Variants in IGF2R observed in about 807,000 individuals in gnomAD.
IGF2R encodes the protein insulin like growth factor 2 receptor, also known as cation-independent mannose-6-phosphate receptor.
Under a neutral mutation model 270.6 loss-of-function variants are expected in IGF2R, and 91 were observed. That is an observed-to-expected ratio of 0.34 (90% CI 0.28 to 0.40). The LOEUF (loss-of-function observed/expected upper bound fraction) is 0.40. Among genes scored for constraint, IGF2R ranks in the 10% least tolerant of loss-of-function variants. IGF2R has a pLI of 1.00. For synonymous variants in IGF2R, 1,316 were observed against 1,258.9 expected, an observed-to-expected ratio of 1.05 and a Z score of -0.96; for missense variants, 2,805 against 3,188.3, an observed-to-expected ratio of 0.88 and a Z score of 2.90.
chr6:160,018,837 A>G (rs1439161900), intron 4 of IGF2R, among the ~76,000 whole-genome samples: 1 of 152,192 alleles, frequency 6.6e-6, no homozygotes, highest in East Asian at 1.9e-4. Flanking sequence ...TGGGAAGTTT[A>G]TAGTGTTAAA....
At chr6:160,087,100 TCA>T (rs1779112391) in intron 41 of IGF2R, among the ~76,000 whole-genome samples, 6 of 152,172 alleles carry the variant, frequency 3.9e-5, no homozygotes, top group Admixed American at 1.3e-4. Flanking sequence ...CACTTTTCTC[TCA>T]GACCCTGCGG....
chr6:160,104,904 C>T lies in IGF2R; in HGVS notation c.7296C>T (p.Ser2432=). 1 of 1,614,150 alleles carries T rather than the reference C, an allele frequency of 6.2e-7. No homozygotes were observed. Among genetic ancestry groups the T allele is most frequent in the Non-Finnish European group, 8.5e-7 (1 of 1,180,018 alleles). The part of the protein sequence containing the change: ...HSGRGAGAES[S]HPVRNAQSNA... ...GCAGGGGAGCTGGGGCAGAGAGCTC[C>T]CACCCAGTGAGAAACGCACAGAGCA... The change falls in exon 48 of 48, where the codon TCC becomes TCT. Residue 2432 remains serine, a synonymous_variant. Transcript: ENST00000356956.
intron 25 of IGF2R, 76 bp downstream of exon 25, chr6:160,062,004 T>C: frequency 2.9e-6 from 4 of 1,401,410 alleles, no homozygotes; most frequent in Non-Finnish European, 4.0e-6. Context: ...CTCTGAATCT[T>C]CTATCTTGTT....
chr6:160,088,786 A>G (rs151328257), intron 42 of IGF2R, among the ~76,000 whole-genome samples: 91 of 152,346 alleles, frequency 6.0e-4, no homozygotes, highest in African/African-American at 2.1e-3. Context: ...AAATTTTAAA[A>G]AATTTATATT....
At chr6:160,077,373 A>G (rs1778876336) in intron 36 of IGF2R, among the ~76,000 whole-genome samples, 1 of 152,222 alleles carries the variant, frequency 6.6e-6, no homozygotes, top group Non-Finnish European at 1.5e-5. Flanking sequence ...GACAGTCTTC[A>G]CTTCTAAGAC....
intron 45 of IGF2R, among the ~76,000 whole-genome samples, chr6:160,098,636 T>C (rs1779417841): frequency 6.6e-6 from 1 of 152,148 alleles, no homozygotes; most frequent in Non-Finnish European, 1.5e-5. Context: ...CTGGGCAACA[T>C]GGTGAAACCC....
At chr6:160,072,519 G>T (rs1778764594) in intron 32 of IGF2R, among the ~76,000 whole-genome samples, 1 of 152,322 alleles carries the variant, frequency 6.6e-6, no homozygotes, top group East Asian at 1.9e-4. Flanking sequence ...GGCTGCTGTG[G>T]TATGGCCCAG....
intron 2 of IGF2R, among the ~76,000 whole-genome samples, chr6:159,996,133 A>G (rs1784050054): frequency 6.6e-6 from 1 of 152,082 alleles, no homozygotes; most frequent in Non-Finnish European, 1.5e-5. Context: ...GCTTTCTCAA[A>G]TGCTAGTGAT....
intron 6 of IGF2R, among the ~76,000 whole-genome samples, chr6:160,028,104 G>A (rs1777605201): frequency 6.6e-6 from 1 of 152,220 alleles, no homozygotes; most frequent in South Asian, 2.1e-4. Flanking sequence ...GATAGGCTGG[G>A]TAGCTTAAAC....
intron 34 of IGF2R, 26 bp downstream of exon 34, chr6:160,073,495 A>AAGTGCATGTCC: frequency 6.2e-7 from 1 of 1,612,256 alleles, no homozygotes; most frequent in Non-Finnish European, 8.5e-7. Context: ...GGCACGGGAG[A>AAGTGCATGTCC]AGTGCATGTC....
intron 11 of IGF2R, among the ~76,000 whole-genome samples, chr6:160,041,258 G>GA (rs1198159600): frequency 6.6e-6 from 1 of 152,018 alleles, no homozygotes. Context: ...CTGATGGGGG[G>GA]GATTTCTGGT....
rs1042747660 is a variant in IGF2R, at chr6:160,050,133, C to G, written c.2515-340C>G. Among the ~76,000 whole-genome samples, 1 of 152,170 alleles carries G rather than the reference C, an allele frequency of 6.6e-6. No individual in the cohort carries two copies. The highest frequency in any genetic ancestry group is 1.5e-5 in the Non-Finnish European group (1 of 68,034). ...TTCAGGATCTGAAGAACATCTTACA[C>G]GATTATTGAACGAAAGCCTTATGAT... On this transcript the variant is annotated intron_variant, in intron 18 of 47. Coordinates refer to ENST00000356956, the MANE Select transcript of IGF2R (RefSeq NM_000876.4). The surrounding 1 kb of genome is among the most constrained non-coding windows in gnomAD (Gnocchi z 4.0).
rs867719641 is a variant in IGF2R at position 160,032,600 on chromosome 6, A to G, written c.932A>G (p.Glu311Gly). 1.9e-6 allele frequency: 3 copies of G among 1,614,174 alleles called. No individual in the cohort carries two copies. In the Admixed American group the frequency reaches 5.0e-5, roughly 27 times the overall value. The change falls in exon 8 of 48, where the codon GAG becomes GGG. Residue 311 changes from glutamate to glycine, a missense_variant. Glu to Gly is a moderately conservative substitution (Grantham distance 98). Transcript: ENST00000356956. The stretch of plus-strand genomic sequence containing the variant: ...AAATCCAACTGCCGCTATGAAATTG[A>G]GTGGATTACTGAGTATGCCTGCCAC... Reference protein sequence around the residue: ...TAKSNCRYEIEWITEYACHRD... With the variant: ...TAKSNCRYEIGWITEYACHRD...
chr6:160,041,252 T>TG (rs141884199), intron 11 of IGF2R, among the ~76,000 whole-genome samples: 30,072 of 151,812 alleles, frequency 0.2, 3,516 homozygotes, highest in East Asian at 0.52. Flanking sequence ...GATAATCTGA[T>TG]GGGGGGGATT....
At chr6:160,040,428 T>C (rs538200111) in intron 10 of IGF2R, 132 bp from the exon 11 acceptor site, 20 of 694,816 alleles carry the variant, frequency 2.9e-5, no homozygotes, top group Admixed American at 5.4e-5. Flanking sequence ...CCATGGTCTC[T>C]AAAAAAACCT....
chr6:160,010,544 C>T (rs967109803), intron 3 of IGF2R, 143 bp from the exon 4 acceptor site: 102 of 568,710 alleles, frequency 1.8e-4, no homozygotes, highest in Non-Finnish European at 2.3e-4. Context: ...TTGATGACCC[C>T]GTTTAACTAA....
At chr6:160,059,526 G>A (rs914788807) in intron 22 of IGF2R, among the ~76,000 whole-genome samples, 2 of 152,124 alleles carry the variant, frequency 1.3e-5, no homozygotes, top group Non-Finnish European at 2.9e-5. Context: ...TGTGGGTCTC[G>A]GAACATATCC....
rs1397519098 is a variant in IGF2R at position 160,032,566 on chromosome 6, C to T, written c.898C>T (p.Leu300Phe). The change falls in exon 8 of 48, where the codon CTC becomes TTC. Residue 300 changes from leucine to phenylalanine, a missense_variant. By Grantham distance (22) the Leu-to-Phe change is conservative. Transcript: ENST00000356956. ...SERREGTIPK[L>F]TAKSNCRYEI... Reference sequence around the variant, plus strand: ...TTCCTGATAGGGCACCATTCCCAAACTCACAGCTAAATCCAACTGCCGCTA... The same window carrying T: ...TTCCTGATAGGGCACCATTCCCAAATTCACAGCTAAATCCAACTGCCGCTA... 6.2e-7 allele frequency: 1 copy of T among 1,613,834 alleles called. No individual in the cohort carries two copies. Among genetic ancestry groups the T allele is most frequent in the Non-Finnish European group, 8.5e-7 (1 of 1,179,938 alleles).
chr6:159,971,122 C>G (rs1164416728), intron 1 of IGF2R, among the ~76,000 whole-genome samples: 1 of 152,154 alleles, frequency 6.6e-6, no homozygotes, highest in African/African-American at 2.4e-5. Context: ...ACCCAGCTGG[C>G]CTAGTGTGGT....
Sources: gnomAD v4.1 joint callset for allele counts (sites outside exome capture counted in the v4.1 genomes callset) on GRCh38, gnomAD v4.1.1 for gene constraint, Gnocchi (gnomAD v3.1) non-coding constraint, MANE v1.5 for transcripts, NCBI Gene and HGNC (gene_info 2026-07-23, HGNC 2026-07-21) for gene names.